Variants in CPVL observed in about 807,000 individuals in gnomAD.
The protein encoded by CPVL is probable serine carboxypeptidase CPVL.
A neutral mutation model predicts 63.7 loss-of-function variants in CPVL; 51 were observed. The observed-to-expected ratio is 0.80, with a 90% confidence interval of 0.64 to 1.01. The LOEUF is 1.01. Ranked by LOEUF, CPVL falls within the 50% of genes least tolerant of loss-of-function variation. CPVL has a pLI of 0.00. For synonymous variants in CPVL, 195 were observed against 206.0 expected (o/e 0.95, Z 0.46); for missense variants, 530 against 573.1 (o/e 0.92, Z 0.77).
chr7:29,078,531 G>A (rs1381772224), intron 7 of CPVL, among the ~76,000 whole-genome samples: 1 of 152,198 alleles, frequency 6.6e-6, no homozygotes, highest in Non-Finnish European at 1.5e-5. Context: ...TCAACAAACT[G>A]AATCTTTGTT....
At chr7:29,118,708 C>T (rs951797995) in intron 2 of CPVL, among the ~76,000 whole-genome samples, 3 of 152,174 alleles carry the variant, frequency 2.0e-5, no homozygotes, top group Non-Finnish European at 2.9e-5. Flanking sequence ...ACACTTTGAA[C>T]GAATAAAACT....
At chr7:29,072,147 T>A (rs1165278421) in intron 8 of CPVL, among the ~76,000 whole-genome samples, 154 bp downstream of exon 8, 1 of 152,132 alleles carries the variant, frequency 6.6e-6, no homozygotes, top group South Asian at 2.1e-4. Context: ...ATTGATACGT[T>A]GAAACATTTG....
intron 2 of CPVL, among the ~76,000 whole-genome samples, chr7:29,117,382 G>A (rs1053528203): frequency 1.3e-5 from 2 of 152,196 alleles, no homozygotes; most frequent in Non-Finnish European, 2.9e-5. Flanking sequence ...TCCACCAGAT[G>A]TATGATACAG....
intron 5 of CPVL, among the ~76,000 whole-genome samples, chr7:29,153,933 A>G (rs1793983525): frequency 6.6e-6 from 1 of 152,146 alleles, no homozygotes; most frequent in Non-Finnish European, 1.5e-5. Flanking sequence ...ATAATATAGT[A>G]TATAATATGT....
At chr7:29,147,028 G>T, upstream of CPVL, 1 of 1,545,216 alleles carries the variant, frequency 6.5e-7, no homozygotes. Context: ...GAGTCTCAGA[G>T]CCACCTGATG....
chr7:29,096,286 A>C, intron 3 of CPVL, 69 bp from the exon 4 acceptor site: 1 of 1,227,322 alleles, frequency 8.1e-7, no homozygotes, highest in Non-Finnish European at 1.2e-6. Context: ...CACACAAGCA[A>C]ACTTACCCAA....
At chr7:29,073,865 T>A (rs367849870) in intron 7 of CPVL, among the ~76,000 whole-genome samples, 1 of 152,216 alleles carries the variant, frequency 6.6e-6, no homozygotes, top group Non-Finnish European at 1.5e-5. Context: ...GTTGAATGAA[T>A]GAATCTTAAA....
At chr7:29,076,510 GAGA>G (rs1784264062) in intron 7 of CPVL, among the ~76,000 whole-genome samples, 1 of 152,228 alleles carries the variant, frequency 6.6e-6, no homozygotes, top group Non-Finnish European at 1.5e-5. Context: ...ACCTTCGAAT[GAGA>G]AGCTCAGCCG....
intron 11 of CPVL, among the ~76,000 whole-genome samples, chr7:29,056,962 T>C (rs1046935674): frequency 6.7e-6 from 1 of 148,254 alleles, no homozygotes; most frequent in African/African-American, 2.5e-5. Context: ...TTTTTTTTTT[T>C]TTTTTTGAGA....
intron 11 of CPVL, among the ~76,000 whole-genome samples, chr7:29,052,440 CA>C (rs57693166): frequency 0.016 from 1,838 of 117,666 alleles, 25 homozygotes; most frequent in African/African-American, 0.047. Flanking sequence ...GATTCAGTTC[CA>C]AAAAAAAAAA....
At chr7:29,034,024 A>G (rs1405258619) in intron 11 of CPVL, among the ~76,000 whole-genome samples, 1 of 152,198 alleles carries the variant, frequency 6.6e-6, no homozygotes, top group Non-Finnish European at 1.5e-5. Flanking sequence ...CAGTTATTTG[A>G]GCTATGGTTG....
At chr7:29,167,417 T>C (rs994676674) in intron 5 of CPVL, among the ~76,000 whole-genome samples, 13 of 152,202 alleles carry the variant, frequency 8.5e-5, no homozygotes, top group African/African-American at 3.1e-4. Context: ...GAGAGCTATT[T>C]CCAGTTTTTC....
In CPVL at chr7:29,095,097, T is replaced by A. The variant is rs774627561; in HGVS notation, c.449A>T (p.Tyr150Phe). 2 of 1,613,898 alleles carry A rather than the reference T, an allele frequency of 1.2e-6. No individual in the cohort carries two copies. The highest frequency in any genetic ancestry group is 2.2e-5 in the South Asian group (2 of 91,074). ...TCCCGGACTTACTGGATTGTCAATGTAAAGCATGGAGAGCGTTGTGGTCCA... is the reference window on the plus strand; with the variant it reads ...TCCCGGACTTACTGGATTGTCAATGAAAAGCATGGAGAGCGTTGTGGTCCA... ...FPWTTTLSML[Y>F]IDNPVGTGFS... The change falls in exon 5 of 13, where the codon TAC (tyrosine) becomes TTC (phenylalanine). Residue 150 changes from tyrosine (Y) to phenylalanine (F), a missense_variant. Transcript: ENST00000265394.
chr7:29,070,221 G>A (rs917835198), intron 9 of CPVL, among the ~76,000 whole-genome samples: 1 of 152,138 alleles, frequency 6.6e-6, no homozygotes, highest in African/African-American at 2.4e-5. Flanking sequence ...TTCTCACCTC[G>A]TGGGTCATGT....
At chr7:29,065,131 A>G (rs1783023647) in intron 10 of CPVL, among the ~76,000 whole-genome samples, 1 of 150,380 alleles carries the variant, frequency 6.6e-6, no homozygotes, top group African/African-American at 2.4e-5. Context: ...TAAAAAAAAA[A>G]CAGTTACACA....
At chr7:29,160,411 T>C (rs1160628213) in intron 5 of CPVL, among the ~76,000 whole-genome samples, 1 of 152,210 alleles carries the variant, frequency 6.6e-6, no homozygotes, top group Admixed American at 6.5e-5. Context: ...GTTTGGTATC[T>C]CCTTTTAGTT....
At chr7:28,995,950 C>T in intron 12 of CPVL, 68 bp from the exon 13 acceptor site, 2 of 896,630 alleles carry the variant, frequency 2.2e-6, no homozygotes, top group Non-Finnish European at 3.5e-6. Context: ...GGAAAGTTTT[C>T]ATTCAGATTA....
intron 1 of CPVL, among the ~76,000 whole-genome samples, chr7:29,128,927 G>A (rs563895341): frequency 1.1e-4 from 16 of 152,174 alleles, no homozygotes; most frequent in African/African-American, 3.9e-4. Context: ...AATAGGGGAG[G>A]GAGTGGTACA....
chr7:29,076,128 A>G (rs1584188418), intron 7 of CPVL, among the ~76,000 whole-genome samples: 1 of 152,120 alleles, frequency 6.6e-6, no homozygotes. Flanking sequence ...ATAGAACCCC[A>G]TATTTCAGGA....
Sources: allele counts gnomAD v4.1 joint callset (sites outside exome capture counted in the v4.1 genomes callset), GRCh38; gene constraint gnomAD v4.1.1; transcripts MANE v1.5; gene names NCBI Gene and HGNC (gene_info 2026-07-23, HGNC 2026-07-21).